PIK3CB: variants seen among roughly 807,000 people sequenced by gnomAD.
The protein encoded by PIK3CB is phosphatidylinositol-4,5-bisphosphate 3-kinase catalytic subunit beta, also known as phosphatidylinositol 4,5-bisphosphate 3-kinase catalytic subunit beta isoform.
A neutral mutation model predicts 136.8 loss-of-function variants in PIK3CB; 39 were observed. That is an observed-to-expected ratio of 0.29 (90% confidence interval 0.22 to 0.37). The LOEUF (loss-of-function observed/expected upper bound fraction) is 0.37. PIK3CB is among the 10% of genes least tolerant of loss of function. The pLI, the probability that PIK3CB is intolerant of heterozygous loss-of-function variation, is 1.00. For missense variants in PIK3CB, 868 were observed against 1,275.4 expected (o/e 0.68, Z 4.87); for synonymous variants, 428 against 436.6 (o/e 0.98, Z 0.25).
At position 138,737,747 on chromosome 3, in the gene PIK3CB, A is replaced by G; in HGVS notation, c.761T>C (p.Val254Ala). The G allele has an allele frequency of 6.2e-7, 1 of 1,609,684 alleles. No homozygotes were observed. The highest frequency in any genetic ancestry group is 8.5e-7 in the Non-Finnish European group (1 of 1,178,016). ...TGGATGATCACCAAAAACATATTCT[A>G]CTCTCCCGCTGACTTGCAACACATA... ...YDYVLQVSGR[V>A]EYVFGDHPLI... The change falls in exon 6 of 24, where the codon GTA (valine) becomes GCA (alanine). Residue 254 changes from valine to alanine, a missense_variant. Val to Ala is a moderately conservative substitution (Grantham distance 64). Transcript: ENST00000674063.
At position 138,714,109 on chromosome 3, in the gene PIK3CB, C is replaced by G. The variant is rs548037551; in HGVS notation, c.1302+359G>C. Among the ~76,000 whole-genome samples the G allele has an allele frequency of 3.9e-5, 6 of 152,288 alleles. No homozygotes were observed. The South Asian group carries it at 6.2e-4, about 16-fold the overall frequency. On this transcript the variant is annotated intron_variant, in intron 9 of 23. Coordinates refer to ENST00000674063, the MANE Select transcript of PIK3CB (RefSeq NM_006219.3). ...CAAAATTCTGAATTCTTAAACATAT[C>G]TGTCACATGAAATTTCAGTTGAAAG...
intron 2 of PIK3CB, among the ~76,000 whole-genome samples, chr3:138,796,135 C>T (rs2046105653): frequency 1.3e-5 from 2 of 152,132 alleles, no homozygotes; most frequent in Non-Finnish European, 2.9e-5. Flanking sequence ...GTAATCCCAG[C>T]ACTTTGGGAG....
In PIK3CB at chr3:138,657,752, A is replaced by T; in HGVS notation, c.2880T>A (p.Leu960=). The stretch of plus-strand genomic sequence containing the variant: ...GAATGACATGGATGAAATCATAGGT[A>T]AGAATAAAAGGCACTCGCTCCCTTT... ...GIKRERVPFI[L]TYDFIHVIQQ... Residue 960 remains leucine (L), a synonymous_variant, in exon 22 of 24, where the codon CTT becomes CTA. Transcript: ENST00000674063. 1 of 1,613,006 alleles carries T rather than the reference A, an allele frequency of 6.2e-7. No individual in the cohort carries two copies. Among genetic ancestry groups the T allele is most frequent in the Non-Finnish European group, 8.5e-7 (1 of 1,179,180 alleles).
At chr3:138,682,989 T>G (rs1180568057) in intron 18 of PIK3CB, among the ~76,000 whole-genome samples, 2 of 152,132 alleles carry the variant, frequency 1.3e-5, no homozygotes, top group Non-Finnish European at 2.9e-5. Context: ...GGTACTTTCA[T>G]CAAAATACAA....
chr3:138,813,365 G>C (rs1282663193), intron 1 of PIK3CB, among the ~76,000 whole-genome samples: 1 of 151,514 alleles, frequency 6.6e-6, no homozygotes. Flanking sequence ...GCTTGTCCAA[G>C]CTAAATGTTT....
intron 1 of PIK3CB, chr3:138,825,581 G>T: frequency 4.7e-6 from 3 of 634,572 alleles, no homozygotes; most frequent in Non-Finnish European, 8.6e-6. Flanking sequence ...TGGTTCATGG[G>T]ATAGAAAGTC....
intron 10 of PIK3CB, among the ~76,000 whole-genome samples, chr3:138,707,960 T>C (rs2044412572): frequency 6.6e-6 from 1 of 152,178 alleles, no homozygotes; most frequent in South Asian, 2.1e-4. Context: ...TCGCATCATA[T>C]AATTTTTTTA....
At chr3:138,755,697 T>A (rs929544787) in intron 4 of PIK3CB, 57 bp downstream of exon 4, 2 of 782,710 alleles carry the variant, frequency 2.6e-6, no homozygotes, top group African/African-American at 3.5e-5. Flanking sequence ...ACTTACTATA[T>A]GTTTATATAA....
Position 138,695,407 on chromosome 3 carries a change from G to C in PIK3CB, c.1771-500C>G, listed in dbSNP as rs1469524764. The stretch of plus-strand genomic sequence containing the variant: ...ACTGGGAGAGGTGGCCTGCAAGCTT[G>C]TTGGCTATCTTGTGGATGTTAAGTT... On this transcript the variant is annotated intron_variant, in intron 13 of 23. Coordinates refer to ENST00000674063, the MANE Select transcript of PIK3CB (RefSeq NM_006219.3). 7.2e-5 allele frequency among the ~76,000 whole-genome samples: 11 copies of C among 152,286 alleles called. No homozygotes were observed. The South Asian group carries it at 2.3e-3, about 32-fold the overall frequency.
chr3:138,826,866 C>T (rs1005650040), intron 1 of PIK3CB, among the ~76,000 whole-genome samples: 1 of 151,724 alleles, frequency 6.6e-6, no homozygotes, highest in South Asian at 2.1e-4. Flanking sequence ...GTCAGGAGTT[C>T]GAGACCAGCC....
chr3:138,676,874 GC>G (rs2043656425), intron 19 of PIK3CB, among the ~76,000 whole-genome samples: 1 of 152,112 alleles, frequency 6.6e-6, no homozygotes, highest in Admixed American at 6.5e-5. Flanking sequence ...GCTAAGGAGT[GC>G]AGGGTTTTTG....
Position 138,714,504 on chromosome 3 carries a change from G to A in PIK3CB, c.1266C>T (p.Pro422=), listed in dbSNP as rs1322010588. 2.5e-6 allele frequency: 4 copies of A among 1,610,260 alleles called. No homozygotes were observed. In the East Asian group the frequency reaches 6.7e-5, roughly 27 times the overall value. The stretch of plus-strand genomic sequence containing the variant: ...CTTTCCTGATGGTCTGATATTTAGA[G>A]GGATTAATAGTTTTCGTTGATTTCT... ...KTKKSTKTIN[P]SKYQTIRKAG... is the part of the protein sequence containing the mutation. Residue 422 remains proline (P), a synonymous_variant, in exon 9 of 24, where the codon CCC becomes CCT. Transcript: ENST00000674063.
intron 2 of PIK3CB, among the ~76,000 whole-genome samples, chr3:138,760,843 G>C (rs1297306133): frequency 6.6e-6 from 1 of 152,074 alleles, no homozygotes; most frequent in African/African-American, 2.4e-5. Flanking sequence ...AGAATCTAAG[G>C]CTGCATTGAG....
chr3:138,699,341 C>T (rs1236034219), intron 12 of PIK3CB, among the ~76,000 whole-genome samples: 2 of 151,898 alleles, frequency 1.3e-5, no homozygotes, highest in South Asian at 2.1e-4. Context: ...GGCAGTATTG[C>T]TTTTTGGATA....
chr3:138,693,990 A>ATATATATT (rs2044081224), intron 14 of PIK3CB, among the ~76,000 whole-genome samples: 1 of 115,468 alleles, frequency 8.7e-6, no homozygotes, highest in Non-Finnish European at 1.7e-5. Flanking sequence ...ATATATATAT[A>ATATATATT]TATTTTAAAC....
intron 1 of PIK3CB, among the ~76,000 whole-genome samples, chr3:138,806,568 T>C (rs929001461): frequency 3.3e-5 from 5 of 152,098 alleles, no homozygotes; most frequent in East Asian, 1.9e-4. Context: ...AAGAGTGACA[T>C]AGTTGTATGG....
chr3:138,781,612 C>G (rs2045924768), intron 2 of PIK3CB, among the ~76,000 whole-genome samples: 1 of 152,122 alleles, frequency 6.6e-6, no homozygotes, highest in African/African-American at 2.4e-5. Context: ...ACCACCACGC[C>G]TGGCTAATTT....
At chr3:138,791,677 C>A (rs1439971772) in intron 2 of PIK3CB, among the ~76,000 whole-genome samples, 1 of 152,190 alleles carries the variant, frequency 6.6e-6, no homozygotes, top group Non-Finnish European at 1.5e-5. Flanking sequence ...TAGAACACAT[C>A]AAGCACATCC....
At chr3:138,725,192 T>TA (rs956081718) in intron 8 of PIK3CB, among the ~76,000 whole-genome samples, 6 of 151,202 alleles carry the variant, frequency 4.0e-5, no homozygotes, top group Non-Finnish European at 8.8e-5. Context: ...AATATATATA[T>TA]TTTTAATGTT....
Sources: gnomAD v4.1 joint callset for allele counts (sites outside exome capture counted in the v4.1 genomes callset) on GRCh38, gnomAD v4.1.1 for gene constraint, MANE v1.5 for transcripts, NCBI Gene and HGNC (gene_info 2026-07-23, HGNC 2026-07-21) for gene names.